Variants in TOX4 observed in about 807,000 individuals in gnomAD.
TOX4 encodes epidermal Langerhans cell protein LCP1.
In TOX4, 12 loss-of-function variants were observed where a neutral mutation model predicts 61.0. The ratio of observed to expected loss-of-function variants is 0.20; its 90% CI spans 0.13 to 0.32. The LOEUF is 0.32. Ranked by LOEUF, TOX4 falls within the 10% of genes least tolerant of loss-of-function variation. The pLI is 1.00. For synonymous variants in TOX4, 268 were observed against 274.8 expected, an observed-to-expected ratio of 0.98 and a Z score of 0.24; for missense variants, 499 against 753.3, an observed-to-expected ratio of 0.66 and a Z score of 3.95.
At chr14:21,488,950 TCTC>T (rs1395312794) in intron 4 of TOX4, 100 bp downstream of exon 4, 1 of 1,508,744 alleles carries the variant, frequency 6.6e-7, no homozygotes, top group African/African-American at 1.4e-5. Context: ...TGCCGTGCCA[TCTC>T]CTCTGCTGTT....
Position 21,493,142 on chromosome 14 carries a change from C to T in TOX4, c.1526C>T (p.Pro509Leu). 1 of 1,613,864 alleles carries T rather than the reference C, an allele frequency of 6.2e-7. No individual in the cohort carries two copies. The highest frequency in any genetic ancestry group is 8.5e-7 in the Non-Finnish European group (1 of 1,180,030). Residue 509 changes from proline to leucine, a missense_variant, in exon 7 of 9, where the codon CCA (proline) becomes CTA (leucine). This residue lies in a region of TOX4 where 296 missense variants were observed against 404.7 expected (regional missense o/e 0.73). Transcript: ENST00000448790. ...TTGAAAATGCAGACTACCTTAGTCCCACCAACTGTGGAAAGTAGTCCTGAG... is the reference window on the plus strand; with the variant it reads ...TTGAAAATGCAGACTACCTTAGTCCTACCAACTGTGGAAAGTAGTCCTGAG... ...PTLKMQTTLV[P>L]PTVESSPERP...
intron 2 of TOX4, among the ~76,000 whole-genome samples, chr14:21,483,682 A>G (rs550923023): frequency 5.9e-5 from 9 of 152,004 alleles, no homozygotes; most frequent in Non-Finnish European, 8.8e-5. Context: ...CTCAGAATTA[A>G]AAAAAACAAC....
At chr14:21,477,727 T>C in intron 2 of TOX4, 163 bp downstream of exon 2, 1 of 697,166 alleles carries the variant, frequency 1.4e-6, no homozygotes, top group Non-Finnish European at 2.4e-6. Flanking sequence ...GTGGGGACTA[T>C]CTGGGGAAGT....
chr14:21,487,353 C>T (rs1424087548), intron 2 of TOX4, 98 bp from the exon 3 acceptor site: 3 of 1,467,904 alleles, frequency 2.0e-6, no homozygotes, highest in Non-Finnish European at 2.8e-6. Flanking sequence ...AGAAAAAATG[C>T]ATCCTGAGAA....
At chr14:21,481,248 G>A (rs189705114) in intron 2 of TOX4, among the ~76,000 whole-genome samples, 231 of 152,124 alleles carry the variant, frequency 1.5e-3, no homozygotes, top group African/African-American at 5.4e-3. Flanking sequence ...GTGCGGTCTC[G>A]ACTCACTGCA....
chr14:21,491,814 A>T (rs1891296577), intron 5 of TOX4, among the ~76,000 whole-genome samples: 1 of 150,798 alleles, frequency 6.6e-6, no homozygotes, highest in African/African-American at 2.4e-5. Context: ...GATCGAGACC[A>T]TCCTGGCTAA....
At chr14:21,478,523 G>A (rs1251077091) in intron 2 of TOX4, among the ~76,000 whole-genome samples, 1 of 152,176 alleles carries the variant, frequency 6.6e-6, no homozygotes, top group Non-Finnish European at 1.5e-5. Flanking sequence ...AAAAAAGTTT[G>A]GTTGAAATAT....
At position 21,492,550 on chromosome 14, in the gene TOX4, C is replaced by G; in HGVS notation, c.934C>G (p.Gln312Glu). Reference sequence around the variant, plus strand: ...GGAATTGGATCCAGCACCACCATCACAAACTCCTTCTCCACCTCCTATGGC... The same window carrying G: ...GGAATTGGATCCAGCACCACCATCAGAAACTCCTTCTCCACCTCCTATGGC... ...TVELDPAPPS[Q>E]TPSPPPMATV... The change falls in exon 7 of 9, where the codon CAA (glutamine) becomes GAA (glutamate). Residue 312 changes from glutamine (Q) to glutamate (E), a missense_variant. This residue lies in a region of TOX4 where 296 missense variants were observed against 404.7 expected (regional missense o/e 0.73). Coordinates refer to ENST00000448790, the MANE Select transcript of TOX4 (RefSeq NM_014828.4). The G allele has an allele frequency of 6.2e-7, 1 of 1,613,990 alleles. No individual in the cohort carries two copies. Among genetic ancestry groups the G allele is most frequent in the Non-Finnish European group, 8.5e-7 (1 of 1,179,966 alleles).
At chr14:21,492,029 AT>A (rs1156548209) in intron 5 of TOX4, 1 of 264,814 alleles carries the variant, frequency 3.8e-6, no homozygotes, top group Non-Finnish European at 7.2e-6. Flanking sequence ...TTTAAAAAAA[AT>A]AAAATAAATG....
chr14:21,493,730 C>T (rs1158808056), intron 7 of TOX4, among the ~76,000 whole-genome samples: 2 of 149,126 alleles, frequency 1.3e-5, no homozygotes, highest in African/African-American at 2.4e-5. Flanking sequence ...TGAGCCACTG[C>T]ACCCGCCCTG....
rs574360174 is a variant in TOX4, at chr14:21,484,934, C to T, written c.76-2517C>T. 4.1e-3 allele frequency among the ~76,000 whole-genome samples: 435 copies of T among 106,780 alleles called. 151 individuals are homozygous for T. Among genetic ancestry groups the T allele is most frequent in the African/African-American group, 0.013 (381 of 28,538 alleles). 70.1% of individuals were successfully genotyped at this position (106,780 alleles called of 152,430 possible). A position where few individuals can be genotyped will look rare whatever the true frequency, so the allele number is the denominator to read the frequency against. On this transcript the variant is annotated intron_variant, in intron 2 of 8. Transcript: ENST00000448790. ...TGGGCCTCCCGAAGTGCTGGGATTA[C>T]AGGCGTGAGCCACTGCTCCCAGCCT...
In TOX4 at chr14:21,493,076, A is replaced by T. The variant is rs1594431592; in HGVS notation, c.1460A>T (p.Gln487Leu). ...AAAGTTCGAATCAATTTACAGCAAC[A>T]GCCTCCTCCTCTGCAGATCAAGAGT... The part of the protein sequence containing the change: ...PQKVRINLQQ[Q>L]PPPLQIKSVP... The change falls in exon 7 of 9, where the codon CAG (glutamine) becomes CTG (leucine). Residue 487 changes from glutamine to leucine, a missense_variant. By Grantham distance (113) the Gln-to-Leu change is moderately radical (BLOSUM62 -2). Around this residue, in one of 7 missense-constraint regions of TOX4, gnomAD observed 296 missense variants for 404.7 expected, o/e 0.73. Transcript: ENST00000448790. 6.2e-7 allele frequency: 1 copy of T among 1,614,176 alleles called. No homozygotes were observed. The highest frequency in any genetic ancestry group is 2.2e-5 in the East Asian group (1 of 44,876).
At chr14:21,492,197 A>G in intron 5 of TOX4, 99 bp from the exon 6 acceptor site, 1 of 1,149,708 alleles carries the variant, frequency 8.7e-7, no homozygotes, top group African/African-American at 1.6e-5. Flanking sequence ...TGATTAGACT[A>G]AGATGAATTG....
chr14:21,492,044 C>T (rs558343522), intron 5 of TOX4: 1 of 311,470 alleles, frequency 3.2e-6, no homozygotes, highest in African/African-American at 2.2e-5. Context: ...ATAAATGTAG[C>T]AAAATAAAAT....
At chr14:21,491,075 T>C (rs927424765) in intron 5 of TOX4, among the ~76,000 whole-genome samples, 1 of 152,262 alleles carries the variant, frequency 6.6e-6, no homozygotes, top group Non-Finnish European at 1.5e-5. Flanking sequence ...TCCGCCTGCC[T>C]TGTCCTCCCA....
At position 21,477,535 on chromosome 14, in the gene TOX4, C is replaced by A. The variant is rs1891017445; in HGVS notation, c.46C>A (p.Pro16Thr). 4 of 1,613,756 alleles carry A rather than the reference C, an allele frequency of 2.5e-6. No individual in the cohort carries two copies. The highest frequency in any genetic ancestry group is 3.4e-6 in the Non-Finnish European group (4 of 1,180,048). ...TGACAATTACCTGACGATCACAGGG[C>A]CTTCGCACCCCTTCCTGTCAGGGGC... ...GNDNYLTITGPSHPFLSGAET... is the reference protein window; with the variant it reads ...GNDNYLTITGTSHPFLSGAET... Residue 16 changes from proline to threonine, a missense_variant, in exon 2 of 9, where the codon CCT becomes ACT. Physicochemically the swap from Pro to Thr is conservative, Grantham distance 38. This residue lies in a region of TOX4 where 22 missense variants were observed against 22.5 expected (regional missense o/e 0.98). Transcript: ENST00000448790.
chr14:21,478,814 C>CT lies in TOX4; in HGVS notation c.75+1261dup, dbSNP rs1198552119. Among the ~76,000 whole-genome samples, 89 of 144,920 alleles carry CT rather than the reference C, an allele frequency of 6.1e-4. 1 individual carries two copies. The highest frequency in any genetic ancestry group is 4.6e-3 in the East Asian group (23 of 4,996). ...TGCTAGTTTAACTTTTTTTTTCTTT[C>CT]TTTTTTTTTTTGAGACAGTCTCCCT... On this transcript the variant is annotated intron_variant, in intron 2 of 8. Transcript: ENST00000448790.
At chr14:21,486,576 A>G (rs1891193555) in intron 2 of TOX4, among the ~76,000 whole-genome samples, 1 of 152,154 alleles carries the variant, frequency 6.6e-6, no homozygotes, top group South Asian at 2.1e-4. Context: ...GTCTCTTGCT[A>G]TTATTTATAA....
intron 3 of TOX4, chr14:21,488,082 A>AAAG (rs1555324985): frequency 0.024 from 3,667 of 152,848 alleles, 132 homozygotes; most frequent in East Asian, 0.052. Context: ...AAAAAAAAAA[A>AAAG]GTCTGAGCCA....
Sources: allele counts gnomAD v4.1 joint callset (sites outside exome capture counted in the v4.1 genomes callset), GRCh38; gene constraint gnomAD v4.1.1; regional missense constraint gnomAD v4.1.1; transcripts MANE v1.5; gene names NCBI Gene and HGNC (gene_info 2026-07-23, HGNC 2026-07-21).